Variants in STK31 observed in about 807,000 individuals in gnomAD.
STK31 encodes the protein serine/threonine kinase 31, also known as serine/threonine-protein kinase 31.
STK31 carries 89 observed loss-of-function variants against 129.7 expected under a neutral mutation model. That is an observed-to-expected ratio of 0.69 (90% confidence interval 0.58 to 0.82). The LOEUF (loss-of-function observed/expected upper bound fraction) is 0.82, where lower values mean the gene tolerates loss of function less well. Among genes scored for constraint, STK31 ranks in the 40% least tolerant of loss-of-function variants. STK31 has a pLI of 0.00. For synonymous variants in STK31, 448 were observed against 395.3 expected (o/e 1.13, Z -1.58); for missense variants, 1,187 against 1,176.4 (o/e 1.01, Z -0.13).
At chr7:23,717,642 A>G in intron 4 of STK31, 63 bp downstream of exon 4, 1 of 1,314,116 alleles carries the variant, frequency 7.6e-7, no homozygotes, top group East Asian at 2.5e-5. Flanking sequence ...TGTCTTAGAT[A>G]TTTAGTTTTT....
At chr7:23,747,850 T>C (rs994068985) in intron 8 of STK31, among the ~76,000 whole-genome samples, 12 of 152,206 alleles carry the variant, frequency 7.9e-5, no homozygotes, top group Non-Finnish European at 1.6e-4. Context: ...GTGTCCTCTG[T>C]CTTTTTTTCC....
chr7:23,720,175 C>T (rs139782009), intron 4 of STK31, among the ~76,000 whole-genome samples: 3 of 152,088 alleles, frequency 2.0e-5, no homozygotes, highest in Non-Finnish European at 2.9e-5. Flanking sequence ...AAAAGAAACA[C>T]GAAAAATATG....
chr7:23,758,117 C>T (rs1789217002), intron 10 of STK31, among the ~76,000 whole-genome samples: 1 of 152,200 alleles, frequency 6.6e-6, no homozygotes, highest in Non-Finnish European at 1.5e-5. Flanking sequence ...AATGGAGTCT[C>T]TTACGTCTAC....
intron 6 of STK31, among the ~76,000 whole-genome samples, chr7:23,731,158 A>C (rs917817952): frequency 1.3e-5 from 2 of 151,992 alleles, no homozygotes; most frequent in Non-Finnish European, 2.9e-5. Flanking sequence ...TGCTGGGATT[A>C]CAGGCATGAG....
At chr7:23,760,719 G>C (rs1378483834) in intron 10 of STK31, among the ~76,000 whole-genome samples, 1 of 152,048 alleles carries the variant, frequency 6.6e-6, no homozygotes, top group Non-Finnish European at 1.5e-5. Flanking sequence ...GAGTGCAGTG[G>C]CACGATCACA....
At chr7:23,760,694 C>T (rs1789410950) in intron 10 of STK31, among the ~76,000 whole-genome samples, 1 of 152,124 alleles carries the variant, frequency 6.6e-6, no homozygotes. Context: ...TGGTCTCACT[C>T]TGTCACCCAG....
Position 23,783,586 on chromosome 7 carries a change from A to T in STK31, c.2071A>T (p.Met691Leu). 1.9e-6 allele frequency: 3 copies of T among 1,606,790 alleles called. No homozygotes were observed. The highest frequency in any genetic ancestry group is 1.7e-6 in the Non-Finnish European group (2 of 1,178,528). ...EIYHEREEYEMLTSLAQKWFP... is the reference protein window; with the variant it reads ...EIYHEREEYELLTSLAQKWFP... ...AACTTTTTTTTTTTAACTTTAGGAGATGCTAACTAGTTTGGCACAGAAATG... is the reference window on the plus strand; with the variant it reads ...AACTTTTTTTTTTTAACTTTAGGAGTTGCTAACTAGTTTGGCACAGAAATG... The change falls in exon 17 of 24, where the codon ATG becomes TTG. Residue 691 changes from methionine to leucine, a missense_variant. Met to Leu is a conservative substitution (Grantham distance 15). Transcript: ENST00000355870.
chr7:23,786,245 A>G (rs1313416812), intron 18 of STK31, among the ~76,000 whole-genome samples: 1 of 151,964 alleles, frequency 6.6e-6, no homozygotes, highest in Non-Finnish European at 1.5e-5. Context: ...TTGATCTGGG[A>G]AACTGTTAAT....
intron 10 of STK31, among the ~76,000 whole-genome samples, chr7:23,756,751 G>A (rs34101649): frequency 0.016 from 2,455 of 152,280 alleles, 29 homozygotes; most frequent in Non-Finnish European, 0.027. Context: ...AGATAGTCAC[G>A]TGGTTTTTGT....
intron 23 of STK31, among the ~76,000 whole-genome samples, chr7:23,821,310 C>T (rs1793771628): frequency 6.6e-6 from 1 of 152,022 alleles, no homozygotes; most frequent in Non-Finnish European, 1.5e-5. Flanking sequence ...GGAGATTTTT[C>T]AAAATAGTAT....
At chr7:23,816,866 G>T (rs1332945362) in intron 23 of STK31, among the ~76,000 whole-genome samples, 4 of 152,118 alleles carry the variant, frequency 2.6e-5, no homozygotes, top group Non-Finnish European at 5.9e-5. Context: ...GGGGTCTTGG[G>T]GCAATCTTAG....
chr7:23,802,707 T>C (rs1466663723), intron 22 of STK31, among the ~76,000 whole-genome samples: 1 of 152,090 alleles, frequency 6.6e-6, no homozygotes, highest in East Asian at 1.9e-4. Context: ...AGAGATGAGG[T>C]TTCACTATGT....
chr7:23,804,811 AT>A (rs1017772824), intron 22 of STK31, among the ~76,000 whole-genome samples: 1 of 152,066 alleles, frequency 6.6e-6, no homozygotes, highest in Admixed American at 6.6e-5. Flanking sequence ...TCCTAACAGG[AT>A]TTCCTGTCCT....
intron 15 of STK31, among the ~76,000 whole-genome samples, chr7:23,776,527 A>T (rs7811080): frequency 8.7e-5 from 13 of 148,816 alleles, no homozygotes; most frequent in Non-Finnish European, 1.9e-4. Flanking sequence ...TGGTCTATTC[A>T]GGGATTCGAC....
chr7:23,755,760 C>T (rs921640186), intron 10 of STK31, among the ~76,000 whole-genome samples: 2 of 152,160 alleles, frequency 1.3e-5, no homozygotes, highest in African/African-American at 2.4e-5. Flanking sequence ...GAGATGCTTT[C>T]CCAATTGCTT....
At chr7:23,792,160 T>C (rs534740963) in intron 22 of STK31, among the ~76,000 whole-genome samples, 4 of 152,138 alleles carry the variant, frequency 2.6e-5, no homozygotes, top group South Asian at 2.1e-4. Flanking sequence ...AAAAAAGAAA[T>C]AAAAGTCATA....
chr7:23,790,790 T>G (rs1425937916), intron 21 of STK31, 34 bp from the exon 22 acceptor site: 1 of 1,551,348 alleles, frequency 6.4e-7, no homozygotes. Flanking sequence ...TCAACTGTGT[T>G]GTATCTGAAA....
At chr7:23,749,003 A>C (rs535251066) in intron 8 of STK31, among the ~76,000 whole-genome samples, 2 of 152,270 alleles carry the variant, frequency 1.3e-5, no homozygotes, top group African/African-American at 4.8e-5. Flanking sequence ...GTTGAGTTCA[A>C]ATGTATCTTT....
intron 16 of STK31, 65 bp downstream of exon 16, chr7:23,781,585 GT>G: frequency 8.9e-7 from 1 of 1,126,656 alleles, no homozygotes; most frequent in Non-Finnish European, 1.3e-6. Context: ...TTAAATACCC[GT>G]TTTATGAAGT....
Sources: allele counts gnomAD v4.1 joint callset (sites outside exome capture counted in the v4.1 genomes callset), GRCh38; gene constraint gnomAD v4.1.1; transcripts MANE v1.5; gene names NCBI Gene and HGNC (gene_info 2026-07-23, HGNC 2026-07-21).